DTNA: variants seen among roughly 807,000 people sequenced by gnomAD.
DTNA encodes dystrobrevin alpha.
Under a neutral mutation model 100.7 loss-of-function variants are expected in DTNA, and 43 were observed. The observed-to-expected ratio is 0.43, with a 90% CI of 0.33 to 0.55. The LOEUF is 0.55. Ranked by LOEUF, DTNA falls within the 20% of genes least tolerant of loss-of-function variation. DTNA has a pLI of 0.04. For missense variants in DTNA, 798 were observed against 953.9 expected, an observed-to-expected ratio of 0.84 and a Z score of 2.15; for synonymous variants, 349 against 347.9, an observed-to-expected ratio of 1.00 and a Z score of -0.04.
At chr18:34,788,929 C>T (rs1464032481) in intron 3 of DTNA, among the ~76,000 whole-genome samples, 1 of 152,162 alleles carries the variant, frequency 6.6e-6, no homozygotes, top group Non-Finnish European at 1.5e-5. Flanking sequence ...ACAAATAGCT[C>T]ATTTCTTGAT....
chr18:34,621,881 C>G (rs934194661), intron 1 of DTNA, among the ~76,000 whole-genome samples: 1 of 151,976 alleles, frequency 6.6e-6, no homozygotes, highest in Non-Finnish European at 1.5e-5. Flanking sequence ...TTTAACTATT[C>G]CACAATGTAT....
At chr18:34,846,682 G>T (rs989838548) in intron 13 of DTNA, among the ~76,000 whole-genome samples, 4 of 152,022 alleles carry the variant, frequency 2.6e-5, no homozygotes, top group Non-Finnish European at 4.4e-5. Flanking sequence ...AAACAAACCT[G>T]TTATATAGTG....
At chr18:34,810,503 T>G (rs1602449625) in intron 5 of DTNA, among the ~76,000 whole-genome samples, 1 of 145,422 alleles carries the variant, frequency 6.9e-6, no homozygotes. Flanking sequence ...CTCATGGAAG[T>G]AGAATTGTGC....
chr18:34,739,146 G>A (rs937816605), intron 1 of DTNA, among the ~76,000 whole-genome samples: 1 of 152,128 alleles, frequency 6.6e-6, no homozygotes, highest in Non-Finnish European at 1.5e-5. Context: ...ACTAAAATAT[G>A]CCTGGCTGAT....
chr18:34,654,654 T>C (rs992993876), intron 1 of DTNA, among the ~76,000 whole-genome samples: 1 of 152,260 alleles, frequency 6.6e-6, no homozygotes, highest in Non-Finnish European at 1.5e-5. Flanking sequence ...ATGCAGATTT[T>C]ATAACTTATC....
chr18:34,684,845 T>C (rs1415972582), intron 1 of DTNA, among the ~76,000 whole-genome samples: 2 of 152,238 alleles, frequency 1.3e-5, no homozygotes, highest in Non-Finnish European at 2.9e-5. Flanking sequence ...CCGTTCTAAC[T>C]GGCATGAGAT....
intron 1 of DTNA, among the ~76,000 whole-genome samples, chr18:34,501,722 A>G (rs550463719): frequency 6.6e-6 from 1 of 152,240 alleles, no homozygotes; most frequent in East Asian, 1.9e-4. Context: ...GTATTTCCTC[A>G]CAGTTCTGGA....
chr18:34,588,504 A>G (rs1165326139), intron 1 of DTNA, among the ~76,000 whole-genome samples: 2 of 152,100 alleles, frequency 1.3e-5, no homozygotes, highest in Admixed American at 6.5e-5. Flanking sequence ...TAAAACCAAC[A>G]TAAGTCCCAT....
chr18:34,646,768 C>A (rs1053014071), intron 1 of DTNA, among the ~76,000 whole-genome samples: 1 of 151,980 alleles, frequency 6.6e-6, no homozygotes, highest in Non-Finnish European at 1.5e-5. Context: ...AGTGCAGTGG[C>A]GCGATCTTGG....
At chr18:34,546,080 A>C (rs2044747887) in intron 1 of DTNA, among the ~76,000 whole-genome samples, 1 of 152,146 alleles carries the variant, frequency 6.6e-6, no homozygotes, top group Non-Finnish European at 1.5e-5. Context: ...AATTGGTACA[A>C]GAGCATAAGA....
intron 1 of DTNA, among the ~76,000 whole-genome samples, chr18:34,715,686 G>T (rs898384940): frequency 3.2e-4 from 49 of 151,980 alleles, no homozygotes; most frequent in African/African-American, 1.1e-3. Context: ...AGAAAAGGAT[G>T]ACCTCAAAGA....
At chr18:34,811,635 T>C (rs1201950265) in intron 5 of DTNA, among the ~76,000 whole-genome samples, 2 of 152,186 alleles carry the variant, frequency 1.3e-5, no homozygotes, top group African/African-American at 4.8e-5. Context: ...AAAATTTCTC[T>C]TGTTGAGCTA....
chr18:34,592,583 T>C (rs2049862242), intron 1 of DTNA, among the ~76,000 whole-genome samples: 2 of 151,858 alleles, frequency 1.3e-5, no homozygotes. Context: ...TAGAAGTGTT[T>C]TTTGCACTCT....
At chr18:34,638,907 T>C (rs2058949864) in intron 1 of DTNA, among the ~76,000 whole-genome samples, 1 of 152,208 alleles carries the variant, frequency 6.6e-6, no homozygotes, top group South Asian at 2.1e-4. Context: ...AATGGCATCA[T>C]CTTGGCTCAC....
At position 34,602,517 on chromosome 18, in the gene DTNA, CATAG is replaced by C. The variant is rs201829455; in HGVS notation, c.-2+109013_-2+109016del. Among the ~76,000 whole-genome samples, 204 of 152,156 alleles carry C rather than the reference CATAG, an allele frequency of 1.3e-3. 1 individual carries two copies. In the East Asian group the frequency reaches 0.033, roughly 25 times the overall value. On this transcript the variant is annotated intron_variant, in intron 1 of 19. Coordinates refer to the DTNA transcript ENST00000283365. ...GGAACTTTATAATTATAGATAGATA[CATAG>C]ATAGATAGAGATATATCACATTTCA...
At chr18:34,508,699 C>G (rs1006580661) in intron 1 of DTNA, among the ~76,000 whole-genome samples, 2 of 152,136 alleles carry the variant, frequency 1.3e-5, no homozygotes, top group Non-Finnish European at 2.9e-5. Flanking sequence ...TTTACACTTT[C>G]AACTAGCAAT....
chr18:34,866,795 C>T, intron 17 of DTNA: 1 of 994,660 alleles, frequency 1.0e-6, no homozygotes, highest in African/African-American at 1.7e-5. Flanking sequence ...TGACAGTAAT[C>T]TCTTTTTAAA....
At position 34,891,606 on chromosome 18, in the gene DTNA, G is replaced by A. The variant is rs1049426631; in HGVS notation, c.*3872G>A. The A allele has an allele frequency of 6.6e-6, 1 of 152,134 alleles. No homozygotes were observed. Among genetic ancestry groups the A allele is most frequent in the African/African-American group, 2.4e-5 (1 of 41,408 alleles). 9.4% of individuals were successfully genotyped at this position (152,134 alleles called of 1,614,324 possible). Reference sequence around the variant, plus strand: ...CCATTCTACTGTTTTATTAGCATCTGTGAGCATCTAATAGAAATACTATTC... The same window carrying A: ...CCATTCTACTGTTTTATTAGCATCTATGAGCATCTAATAGAAATACTATTC... On this transcript the variant is annotated 3_prime_UTR_variant, in exon 23 of 23. Transcript: ENST00000444659.
chr18:34,752,311 G>T (rs1032217842), intron 1 of DTNA, among the ~76,000 whole-genome samples: 5 of 151,946 alleles, frequency 3.3e-5, no homozygotes, highest in African/African-American at 1.2e-4. Context: ...AAATAAAACT[G>T]CTCTCTGTAA....
Sources: allele counts gnomAD v4.1 joint callset (sites outside exome capture counted in the v4.1 genomes callset), GRCh38; gene constraint gnomAD v4.1.1; transcripts MANE v1.5; gene names NCBI Gene and HGNC (gene_info 2026-07-23, HGNC 2026-07-21).